Variants in TTC39C observed in about 807,000 individuals in gnomAD.
The protein encoded by TTC39C is tetratricopeptide repeat domain 39C, also known as tetratricopeptide repeat protein 39C.
A neutral mutation model predicts 76.3 loss-of-function variants in TTC39C; 33 were observed. The ratio of observed to expected loss-of-function variants is 0.43; its 90% CI spans 0.33 to 0.58. The LOEUF is 0.58. Ranked by LOEUF, TTC39C falls within the 20% of genes least tolerant of loss-of-function variation. TTC39C has a pLI of 0.04. For synonymous variants in TTC39C, 254 were observed against 260.6 expected, an observed-to-expected ratio of 0.97 and a Z score of 0.24; for missense variants, 595 against 701.4, an observed-to-expected ratio of 0.85 and a Z score of 1.71.
intron 1 of TTC39C, among the ~76,000 whole-genome samples, chr18:24,038,468 A>G (rs1312219615): frequency 1.8e-4 from 27 of 151,990 alleles, no homozygotes; most frequent in Admixed American, 1.8e-3. Flanking sequence ...GTTTTTGTAG[A>G]GACGGGGACT....
intron 1 of TTC39C, among the ~76,000 whole-genome samples, chr18:24,024,031 T>TTTTA (rs2083565762): frequency 1.0e-5 from 1 of 100,448 alleles, no homozygotes. Flanking sequence ...TTTTTTTTTT[T>TTTTA]GAGACGGAGT....
At chr18:24,000,400 A>G (rs942676239) in intron 1 of TTC39C, 1 of 152,316 alleles carries the variant, frequency 6.6e-6, no homozygotes, top group African/African-American at 2.4e-5. Flanking sequence ...AGCCAAGGAG[A>G]GAGGCCTGGA....
At chr18:24,052,931 G>A (rs988214870) in intron 1 of TTC39C, among the ~76,000 whole-genome samples, 2 of 152,196 alleles carry the variant, frequency 1.3e-5, no homozygotes, top group African/African-American at 4.8e-5. Context: ...TGGGATTACT[G>A]TGAAGTGATT....
chr18:24,060,624 A>T (rs2084087467), intron 1 of TTC39C, among the ~76,000 whole-genome samples: 1 of 152,172 alleles, frequency 6.6e-6, no homozygotes, highest in Non-Finnish European at 1.5e-5. Context: ...TTTTAAAGAT[A>T]AAAAATTCAG....
At chr18:24,017,506 C>G (rs183167444) in intron 1 of TTC39C, among the ~76,000 whole-genome samples, 6 of 152,346 alleles carry the variant, frequency 3.9e-5, no homozygotes, top group South Asian at 2.1e-4. Context: ...GTGCCTTCCC[C>G]GCTAGTATTG....
intron 1 of TTC39C, among the ~76,000 whole-genome samples, chr18:24,033,844 C>G (rs1402592911): frequency 6.6e-6 from 1 of 152,148 alleles, no homozygotes; most frequent in Non-Finnish European, 1.5e-5. Context: ...AAAGAGTGTC[C>G]TTGTGTTGCT....
intron 1 of TTC39C, among the ~76,000 whole-genome samples, chr18:24,062,018 C>T (rs886423590): frequency 6.6e-6 from 1 of 152,158 alleles, no homozygotes; most frequent in African/African-American, 2.4e-5. Context: ...GTCACGTGCC[C>T]GATGCACCCG....
chr18:24,117,320 G>T (rs1227640371), intron 7 of TTC39C, among the ~76,000 whole-genome samples: 1 of 152,192 alleles, frequency 6.6e-6, no homozygotes, highest in East Asian at 1.9e-4. Context: ...ATCCAGGAAG[G>T]TGGGGTTCTT....
chr18:24,081,004 A>G, intron 5 of TTC39C, 65 bp downstream of exon 5: 4 of 1,404,012 alleles, frequency 2.8e-6, no homozygotes, highest in Non-Finnish European at 3.8e-6. Flanking sequence ...AACGACAATC[A>G]AAGACTTTAA....
intron 1 of TTC39C, among the ~76,000 whole-genome samples, chr18:24,063,713 C>T (rs1312035307): frequency 6.6e-6 from 1 of 152,056 alleles, no homozygotes; most frequent in Non-Finnish European, 1.5e-5. Flanking sequence ...GGGGTTTTGT[C>T]ATGTTGGCTA....
In TTC39C at chr18:24,022,097, C is replaced by T. The variant is rs973220187; in HGVS notation, c.167+7059C>T. On this transcript the variant is annotated intron_variant, in intron 1 of 13. Transcript: ENST00000317571. ...AAACACATAATGATAAATGTAAACA[C>T]ATAATGATTTCAGGTATATGGGAGG... Among the ~76,000 whole-genome samples the T allele has an allele frequency of 7.9e-5, 12 of 152,220 alleles. No individual in the cohort carries two copies. The East Asian group carries it at 2.3e-3, about 29-fold the overall frequency.
intron 4 of TTC39C, among the ~76,000 whole-genome samples, chr18:24,070,007 G>A (rs1049652108): frequency 2.6e-5 from 4 of 152,182 alleles, no homozygotes; most frequent in African/African-American, 7.2e-5. Flanking sequence ...TTCACTGTCA[G>A]AAAGATATTT....
At chr18:24,132,334 G>C in intron 13 of TTC39C, 151 bp from the exon 14 acceptor site, 1 of 592,606 alleles carries the variant, frequency 1.7e-6, no homozygotes, top group South Asian at 2.5e-5. Flanking sequence ...TTTGAGGTTT[G>C]AGTAATATGA....
At chr18:24,021,615 G>C (rs1490745512) in intron 1 of TTC39C, among the ~76,000 whole-genome samples, 1 of 138,234 alleles carries the variant, frequency 7.2e-6, no homozygotes, top group African/African-American at 2.8e-5. Flanking sequence ...GCACGATCTT[G>C]GCTCACTGCA....
chr18:24,018,423 C>T (rs139865100), intron 1 of TTC39C, among the ~76,000 whole-genome samples: 1 of 152,250 alleles, frequency 6.6e-6, no homozygotes, highest in East Asian at 1.9e-4. Flanking sequence ...TCACTGTTTG[C>T]ATATGTGACG....
chr18:23,997,270 G>T (rs750286798), intron 1 of TTC39C, among the ~76,000 whole-genome samples: 41 of 151,900 alleles, frequency 2.7e-4, no homozygotes, highest in Non-Finnish European at 5.6e-4. Flanking sequence ...AAATAAAAAG[G>T]CCAGGTGCAG....
At chr18:24,091,781 A>T (rs369648033) in intron 6 of TTC39C, among the ~76,000 whole-genome samples, 1 of 152,268 alleles carries the variant, frequency 6.6e-6, no homozygotes, top group Non-Finnish European at 1.5e-5. Context: ...TAATAAAAAG[A>T]CAAGCCAATT....
intron 6 of TTC39C, among the ~76,000 whole-genome samples, chr18:24,091,275 A>G (rs993231665): frequency 3.3e-5 from 5 of 151,660 alleles, no homozygotes; most frequent in African/African-American, 1.2e-4. Context: ...CTGTGTTGAA[A>G]CCCCATCTCT....
chr18:24,130,399 T>C lies in TTC39C; in HGVS notation c.1605T>C (p.Leu535=). 2 of 1,531,736 alleles carry C rather than the reference T, an allele frequency of 1.3e-6. No homozygotes were observed. Among genetic ancestry groups the C allele is most frequent in the South Asian group, 1.3e-5 (1 of 79,922 alleles). 94.9% of individuals were successfully genotyped at this position (1,531,736 alleles called of 1,614,324 possible). A position where few individuals can be genotyped will look rare whatever the true frequency, so the allele number is the denominator to read the frequency against. The stretch of plus-strand genomic sequence containing the variant: ...ATGCCTGTTATGAACTTGGCTGTCT[T>C]CTATTAGACAAACCAGAGGTAAGAT... ...QPYACYELGC[L]LLDKPETVGR... The change falls in exon 12 of 14, where the codon CTT becomes CTC. Residue 535 remains leucine (L), a synonymous_variant. Transcript: ENST00000317571.
Sources: allele counts gnomAD v4.1 joint callset (sites outside exome capture counted in the v4.1 genomes callset), GRCh38; gene constraint gnomAD v4.1.1; transcripts MANE v1.5; gene names NCBI Gene and HGNC (gene_info 2026-07-23, HGNC 2026-07-21).